The following PAK1 variants were observed in gnomAD, a reference collection of about 807,000 sequenced individuals.
PAK1 encodes p21 (RAC1) activated kinase 1, also known as serine/threonine-protein kinase PAK 1.
Under a neutral mutation model 67.4 loss-of-function variants are expected in PAK1, and 29 were observed. The ratio of observed to expected loss-of-function variants is 0.43; its 90% confidence interval spans 0.32 to 0.59. PAK1 has a LOEUF of 0.59. PAK1 is among the 20% of genes least tolerant of loss of function. PAK1 has a pLI of 0.07. For synonymous variants in PAK1, 223 were observed against 237.4 expected (o/e 0.94, Z 0.56); for missense variants, 337 against 670.7 (o/e 0.50, Z 5.50).
chr11:77,422,272 A>C (rs1260712811), intron 1 of PAK1, among the ~76,000 whole-genome samples: 1 of 152,148 alleles, frequency 6.6e-6, no homozygotes, highest in African/African-American at 2.4e-5. Context: ...TTAAAAAGTC[A>C]CTAAAGGCAG....
At chr11:77,493,272 G>T in the PAK1 span, among the ~76,000 whole-genome samples, 414 of 92,666 alleles carry the variant, frequency 4.5e-3, 2 homozygotes, top group Non-Finnish European at 5.7e-3. Flanking sequence ...TCATTTTTTT[G>T]TTGTTTTTTT....
rs1439103644 is a variant in PAK1, at chr11:77,340,778, A to G, written c.999-15T>C. 7.6e-7 allele frequency: 1 copy of G among 1,308,796 alleles called. No homozygotes were observed. The allele number at this position is 1,308,796 out of a possible 1,614,324, so 81.1% of individuals were successfully genotyped here. ...CCACGAGGTAACTGCAGGAATACAG[A>G]TAAAGGGTGAGAGAGAACAATCAGA... is the stretch of plus-strand genomic sequence containing the variant. On this transcript the variant is annotated splice_polypyrimidine_tract_variant and intron_variant, in intron 10 of 14. Coordinates refer to ENST00000356341, the MANE Select transcript of PAK1 (RefSeq NM_002576.5).
chr11:77,478,655 C>T (rs1468139242), upstream of PAK1, among the ~76,000 whole-genome samples: 1 of 151,910 alleles, frequency 6.6e-6, no homozygotes, highest in Admixed American at 6.6e-5. Context: ...TGGCATGTGC[C>T]TGTAGTCCCA....
intron 4 of PAK1, among the ~76,000 whole-genome samples, chr11:77,375,761 TG>T (rs1430078874): frequency 6.6e-6 from 1 of 152,192 alleles, no homozygotes; most frequent in African/African-American, 2.4e-5. Context: ...TTAATTCCCC[TG>T]GGTCCAAGAA....
At chr11:77,440,903 C>T (rs548713774) in intron 1 of PAK1, among the ~76,000 whole-genome samples, 2 of 152,124 alleles carry the variant, frequency 1.3e-5, no homozygotes, top group Admixed American at 6.6e-5. Context: ...CCTCTACCTC[C>T]TCCATTAGTT....
At chr11:77,484,490 A>G in the PAK1 span, among the ~76,000 whole-genome samples, 2 of 152,172 alleles carry the variant, frequency 1.3e-5, no homozygotes, top group Non-Finnish European at 2.9e-5. Flanking sequence ...TAGAAATAAC[A>G]TTTTTTTAGA....
At chr11:77,410,853 A>G (rs1436744992) in intron 1 of PAK1, among the ~76,000 whole-genome samples, 1 of 152,196 alleles carries the variant, frequency 6.6e-6, no homozygotes, top group Non-Finnish European at 1.5e-5. Context: ...GCCAGGTAAT[A>G]AAGAAGGAAA....
intron 1 of PAK1, among the ~76,000 whole-genome samples, chr11:77,419,297 A>G (rs1955131391): frequency 6.6e-6 from 1 of 152,248 alleles, no homozygotes; most frequent in South Asian, 2.1e-4. Context: ...AAGTTATACA[A>G]GTTAGCAGTT....
chr11:77,371,338 C>T (rs780475252), intron 5 of PAK1, among the ~76,000 whole-genome samples: 1 of 152,146 alleles, frequency 6.6e-6, no homozygotes. Flanking sequence ...CAAATATAAC[C>T]CTATTGTACA....
the PAK1 span, among the ~76,000 whole-genome samples, chr11:77,510,475 C>T: frequency 6.6e-6 from 1 of 152,136 alleles, no homozygotes; most frequent in Non-Finnish European, 1.5e-5. Context: ...ATGATTCCCC[C>T]ACCTCAGTCT....
intron 1 of PAK1, among the ~76,000 whole-genome samples, chr11:77,419,752 T>C (rs957194224): frequency 6.6e-6 from 1 of 152,212 alleles, no homozygotes; most frequent in Non-Finnish European, 1.5e-5. Flanking sequence ...CAGTCAACAA[T>C]GATGATGTTG....
At chr11:77,473,117 G>C (rs1957943960) in intron 1 of PAK1, among the ~76,000 whole-genome samples, 1 of 152,218 alleles carries the variant, frequency 6.6e-6, no homozygotes, top group South Asian at 2.1e-4. Context: ...AAGCCTGGAA[G>C]GGGTCATTTA....
At chr11:77,341,566 A>G (rs1943608594) in intron 10 of PAK1, among the ~76,000 whole-genome samples, 1 of 152,154 alleles carries the variant, frequency 6.6e-6, no homozygotes, top group African/African-American at 2.4e-5. Flanking sequence ...GGATCACTCA[A>G]CCCTATTACA....
chr11:77,372,991 AAGGTT>A (rs527943736), intron 5 of PAK1, among the ~76,000 whole-genome samples: 287 of 152,308 alleles, frequency 1.9e-3, no homozygotes, highest in Non-Finnish European at 3.4e-3. Flanking sequence ...TGGCTTCATG[AAGGTT>A]AGCATGCTGC....
At chr11:77,466,602 CA>C (rs35876101) in intron 1 of PAK1, among the ~76,000 whole-genome samples, 4,781 of 130,956 alleles carry the variant, frequency 0.037, 187 homozygotes, top group African/African-American at 0.11. Context: ...GACTCCATCT[CA>C]AAAAAAAAAA....
intron 1 of PAK1, among the ~76,000 whole-genome samples, chr11:77,459,425 T>C (rs1056063877): frequency 6.6e-6 from 1 of 152,054 alleles, no homozygotes; most frequent in Non-Finnish European, 1.5e-5. Context: ...ACTACAGAGA[T>C]AAAACTAACA....
chr11:77,368,982 T>A (rs562467649), intron 5 of PAK1, among the ~76,000 whole-genome samples: 120 of 152,352 alleles, frequency 7.9e-4, no homozygotes, highest in African/African-American at 2.8e-3. Context: ...GATCTTCACA[T>A]GTCCAAACAT....
chr11:77,382,644 C>A (rs1949980945), intron 2 of PAK1, among the ~76,000 whole-genome samples: 1 of 152,034 alleles, frequency 6.6e-6, no homozygotes, highest in Admixed American at 6.6e-5. Flanking sequence ...AATTACAATC[C>A]CTGTACTTCT....
At chr11:77,385,364 A>C (rs1056048757) in intron 2 of PAK1, among the ~76,000 whole-genome samples, 32 of 152,258 alleles carry the variant, frequency 2.1e-4, no homozygotes, top group Non-Finnish European at 3.7e-4. Context: ...GATTTCAAAA[A>C]TAGAACCACA....
Sources: allele counts gnomAD v4.1 joint callset (sites outside exome capture counted in the v4.1 genomes callset), GRCh38; gene constraint gnomAD v4.1.1; transcripts MANE v1.5; gene names NCBI Gene and HGNC (gene_info 2026-07-23, HGNC 2026-07-21).